Variants in SETDB1 observed in about 807,000 individuals in gnomAD.
The protein encoded by SETDB1 is histone-lysine N-methyltransferase SETDB1.
Under a neutral mutation model 137.4 loss-of-function variants are expected in SETDB1, and 31 were observed. That is an observed-to-expected ratio of 0.23 (90% CI 0.17 to 0.30). The LOEUF is 0.30. SETDB1 is among the 10% of genes least tolerant of loss of function. The probability of loss-of-function intolerance (pLI) is 1.00; values close to 1 mark genes in which losing one functional copy is unlikely to be tolerated. For synonymous variants in SETDB1, 548 were observed against 579.9 expected (o/e 0.95, Z 0.79); for missense variants, 1,113 against 1,631.5 (o/e 0.68, Z 5.47).
In SETDB1 at chr1:150,942,333, G is replaced by A. The variant is rs587605396; in HGVS notation, c.548-230G>A. 2.6e-5 allele frequency among the ~76,000 whole-genome samples: 4 copies of A among 151,020 alleles called. 1 individual carries two copies. The South Asian group carries it at 8.4e-4, about 32-fold the overall frequency. ...GCCACCTTGCGTGCCTGTAGTCCCA[G>A]CTACTCGGGAGGCTGAGGCAGGAGA... is the stretch of plus-strand genomic sequence containing the variant. On this transcript the variant is annotated intron_variant, in intron 5 of 21. Coordinates refer to ENST00000692827, the MANE Select transcript of SETDB1 (RefSeq NM_001366418.1).
At chr1:150,961,337 C>A in intron 16 of SETDB1, 146 bp downstream of exon 16, 1 of 840,072 alleles carries the variant, frequency 1.2e-6, no homozygotes. Context: ...CTAACTAGCA[C>A]ATTCCTAGTG....
chr1:150,960,365 T>C (rs1670782600), intron 15 of SETDB1, among the ~76,000 whole-genome samples, 198 bp from the exon 16 acceptor site: 1 of 150,140 alleles, frequency 6.7e-6, no homozygotes, highest in Non-Finnish European at 1.5e-5. Flanking sequence ...TAGTCCTATC[T>C]ACTCAGGAGG....
At chr1:150,962,555 C>T in intron 17 of SETDB1, 32 bp from the exon 18 acceptor site, 3 of 1,611,388 alleles carry the variant, frequency 1.9e-6, no homozygotes, top group South Asian at 1.1e-5. Context: ...CAGCCAGTAA[C>T]CTGTTGGCTT....
At chr1:150,963,926 TCTCA>T (rs1670905983) in intron 20 of SETDB1, 65 bp from the exon 21 acceptor site, 1 of 1,469,876 alleles carries the variant, frequency 6.8e-7, no homozygotes, top group Non-Finnish European at 9.5e-7. Context: ...TTCTTCCAAC[TCTCA>T]CTCTCCCTGC....
intron 8 of SETDB1, 126 bp downstream of exon 8, chr1:150,944,119 A>C (rs1670249384): frequency 2.7e-6 from 2 of 734,314 alleles, no homozygotes; most frequent in Non-Finnish European, 4.9e-6. Flanking sequence ...AGTTTGGTTG[A>C]TGTCTTTTGC....
intron 16 of SETDB1, 64 bp downstream of exon 16, chr1:150,961,255 T>G (rs1268580265): frequency 2.7e-6 from 4 of 1,476,908 alleles, no homozygotes; most frequent in Non-Finnish European, 3.7e-6. Context: ...CAATGCAGTC[T>G]CACCATGAGT....
In SETDB1 at chr1:150,964,289, C is replaced by T. The variant is rs770434872; in HGVS notation, c.3804C>T (p.Tyr1268=). 3.7e-6 allele frequency: 6 copies of T among 1,614,020 alleles called. No individual in the cohort carries two copies. Among genetic ancestry groups the T allele is most frequent in the Middle Eastern group, 1.6e-4 (1 of 6,084 alleles). The stretch of plus-strand genomic sequence containing the variant: ...CAGAACTTACTTGGGACTACAACTA[C>T]GAGGTGGGCAGTGTGGAAGGCAAGG... ...AGTELTWDYN[Y]EVGSVEGKEL... The change falls in exon 22 of 22, where the codon TAC becomes TAT. Residue 1268 remains tyrosine, a synonymous_variant. Coordinates refer to ENST00000692827, the MANE Select transcript of SETDB1 (RefSeq NM_001366418.1).
rs759554112 is a variant in SETDB1 at position 150,963,642 on chromosome 1, C to T, written c.3573C>T (p.Ser1191=). 12 of 1,614,102 alleles carry T rather than the reference C, an allele frequency of 7.4e-6. No homozygotes were observed. Among genetic ancestry groups the T allele is most frequent in the East Asian group, 4.5e-5 (2 of 44,866 alleles). ...TGGCCTCTGTGGACAAGGGGGAGAG[C>T]GCACCTGTTCGTAAGAACACACGCC... ...TNMASVDKGE[S]APVRKNTRQF... is the part of the protein sequence containing the mutation. The change falls in exon 20 of 22, where the codon AGC becomes AGT. Residue 1191 remains serine (S), a synonymous_variant. Transcript: ENST00000692827.
At chr1:150,942,709 A>G in intron 6 of SETDB1, 21 bp downstream of exon 6, 1 of 1,607,616 alleles carries the variant, frequency 6.2e-7, no homozygotes. Context: ...ACTTGGAGGA[A>G]CCACTCCTGA....
chr1:150,941,940 C>T (rs1419092124), intron 5 of SETDB1, among the ~76,000 whole-genome samples: 1 of 146,648 alleles, frequency 6.8e-6, no homozygotes, highest in Non-Finnish European at 1.5e-5. Context: ...AGGAGTTCGA[C>T]ACCAGCCTGA....
chr1:150,943,952 C>T lies in SETDB1; in HGVS notation c.908C>T (p.Ser303Phe). The T allele has an allele frequency of 6.2e-7, 1 of 1,613,472 alleles. No homozygotes were observed. The highest frequency in any genetic ancestry group is 8.5e-7 in the Non-Finnish European group (1 of 1,179,410). The change falls in exon 8 of 22, where the codon TCC becomes TTC. Residue 303 changes from serine (S) to phenylalanine (F), a missense_variant. By Grantham distance (155) the Ser-to-Phe change is radical. Around this residue, in one of 11 missense-constraint regions of SETDB1, gnomAD observed 154 missense variants for 303.1 expected, o/e 0.51. Transcript: ENST00000692827. ...ATTTTCTTTGATGATGGCTATGCTT[C>T]CTATGTCACACAGTCGGAACTGTAT... ...FLIFFDDGYASYVTQSELYPI... is the reference protein window; with the variant it reads ...FLIFFDDGYAFYVTQSELYPI...
Position 150,961,103 on chromosome 1 carries a change from C to CGGGGG in SETDB1, c.3044_3045insGGGGG (p.Gly1017ValfsTer16). The stretch of plus-strand genomic sequence containing the variant: ...ACTAATGAAGGTGGGGAGGGCCGGG[C>CGGGGG]TGGGGGAAGCCGAATGGAGGCTGAG... On this transcript the variant is annotated frameshift_variant, in exon 16 of 22. Transcript: ENST00000692827. LOFTEE classifies it high-confidence loss of function. The CGGGGG allele has an allele frequency of 7.7e-7, 1 of 1,301,964 alleles. No homozygotes were observed. The highest frequency in any genetic ancestry group is 1.1e-6 in the Non-Finnish European group (1 of 928,222). The allele number at this position is 1,301,964 out of a possible 1,614,324, so 80.7% of individuals were successfully genotyped here. A position where few individuals can be genotyped will look rare whatever the true frequency, so the allele number is the denominator to read the frequency against.
Position 150,945,334 on chromosome 1 carries a change from GATTT to G in SETDB1, c.1140+235_1140+238del. The G allele has an allele frequency of 3.5e-6, 5 of 1,414,082 alleles. 1 individual carries two copies. Among genetic ancestry groups the G allele is most frequent in the South Asian group, 3.1e-5 (2 of 63,592 alleles). The allele number at this position is 1,414,082 out of a possible 1,614,324, so 87.6% of individuals were successfully genotyped here. A position where few individuals can be genotyped will look rare whatever the true frequency, so the allele number is the denominator to read the frequency against. On this transcript the variant is annotated intron_variant, in intron 9 of 21. Transcript: ENST00000692827. ...TTATAATACGAATCTGCATGGTTTTGATTTATTTATTTTTTTTCTTTAGGAGTAT... is the reference window on the plus strand; with the variant it reads ...TTATAATACGAATCTGCATGGTTTTGATTTATTTTTTTTCTTTAGGAGTAT...
chr1:150,933,616 ATC>A (rs35077811), intron 3 of SETDB1, among the ~76,000 whole-genome samples: 51,374 of 151,174 alleles, frequency 0.34, 9,214 homozygotes, highest in South Asian at 0.51. Context: ...ACCTTAGGTG[ATC>A]TGTCCACCTA....
In SETDB1 at chr1:150,960,672, T is replaced by C; in HGVS notation, c.2613T>C (p.Tyr871=). ...GCGTGGAGAACTTCAAAGAAGGATA[T>C]GAGAGTGATGCCCCCTGTTCCTCTG... ...IESVENFKEG[Y]ESDAPCSSDS... Residue 871 remains tyrosine (Y), a synonymous_variant, in exon 16 of 22, where the codon TAT becomes TAC. Transcript: ENST00000692827. 1 of 1,613,438 alleles carries C rather than the reference T, an allele frequency of 6.2e-7. No individual in the cohort carries two copies. The highest frequency in any genetic ancestry group is 1.3e-5 in the African/African-American group (1 of 74,926).
intron 8 of SETDB1, 60 bp from the exon 9 acceptor site, chr1:150,944,858 C>CT (rs1670276123): frequency 5.0e-6 from 8 of 1,584,494 alleles, no homozygotes; most frequent in African/African-American, 1.3e-5. Context: ...CTGGCCAAGT[C>CT]TTTTCCCTAT....
chr1:150,926,522 G>T lies in SETDB1; in HGVS notation c.-12+5G>T. ...CTTGAAGCTGGAAGACGGGAGGTGC[G>T]GGGAATACTGTTGAGTTATTTGGTG... is the stretch of plus-strand genomic sequence containing the variant. On this transcript the variant is annotated splice_donor_5th_base_variant and intron_variant, in intron 1 of 21. Transcript: ENST00000692827. The T allele has an allele frequency of 3.0e-6, 1 of 337,438 alleles. No homozygotes were observed. The highest frequency in any genetic ancestry group is 4.4e-5 in the Admixed American group (1 of 22,732). The allele number at this position is 337,438 out of a possible 1,614,324, so 20.9% of individuals were successfully genotyped here.
At chr1:150,952,186 T>G (rs1430633992) in intron 14 of SETDB1, among the ~76,000 whole-genome samples, 1 of 151,772 alleles carries the variant, frequency 6.6e-6, no homozygotes, top group Non-Finnish European at 1.5e-5. Flanking sequence ...AAATTCATGG[T>G]GCTCTTACAG....
At chr1:150,932,087 T>A (rs587694387) in intron 3 of SETDB1, among the ~76,000 whole-genome samples, 46 of 149,260 alleles carry the variant, frequency 3.1e-4, no homozygotes, top group South Asian at 1.3e-3. Flanking sequence ...TTTGCTGATT[T>A]AAAAAAAAAA....
Sources: gnomAD v4.1 joint callset for allele counts (sites outside exome capture counted in the v4.1 genomes callset) on GRCh38, gnomAD v4.1.1 for gene constraint, gnomAD v4.1.1 regional missense constraint, MANE v1.5 for transcripts, NCBI Gene and HGNC (gene_info 2026-07-23, HGNC 2026-07-21) for gene names.